FHIT: variants seen among roughly 807,000 people sequenced by gnomAD.
FHIT encodes the protein fragile histidine triad diadenosine triphosphatase, also known as bis(5'-adenosyl)-triphosphatase.
Under a neutral mutation model 17.9 loss-of-function variants are expected in FHIT, and 19 were observed. That is an observed-to-expected ratio of 1.06 (90% CI 0.74 to 1.56). The LOEUF (loss-of-function observed/expected upper bound fraction) is 1.56. Ranked by LOEUF, FHIT falls within the 40% of genes most tolerant of loss-of-function variation. FHIT has a pLI of 0.00. For synonymous variants in FHIT, 81 were observed against 69.7 expected (o/e 1.16, Z -0.81); for missense variants, 248 against 189.2 (o/e 1.31, Z -1.82).
At chr3:60,884,193 T>C (rs888598188) in intron 3 of FHIT, among the ~76,000 whole-genome samples, 1 of 152,204 alleles carries the variant, frequency 6.6e-6, no homozygotes, top group East Asian at 1.9e-4. Context: ...TAATGGCTAC[T>C]ATGAAAAAGA....
chr3:59,776,874 C>G (rs1022831339), intron 8 of FHIT, among the ~76,000 whole-genome samples: 5 of 152,148 alleles, frequency 3.3e-5, no homozygotes, highest in African/African-American at 1.2e-4. Context: ...CAGTAAGTAG[C>G]AGAATTTATT....
chr3:60,482,239 A>C (rs1482555754), intron 5 of FHIT, among the ~76,000 whole-genome samples: 1 of 152,146 alleles, frequency 6.6e-6, no homozygotes, highest in African/African-American at 2.4e-5. Flanking sequence ...AGACTTTAAC[A>C]CCATACTGTT....
chr3:60,995,622 G>A (rs2030618119), intron 3 of FHIT, among the ~76,000 whole-genome samples: 1 of 152,136 alleles, frequency 6.6e-6, no homozygotes, highest in African/African-American at 2.4e-5. Context: ...AAAAGCACAA[G>A]GACTTTTTAC....
chr3:60,569,755 A>ATATATATTTTTTTTTTTT, intron 4 of FHIT, among the ~76,000 whole-genome samples: 1 of 77,340 alleles, frequency 1.3e-5, no homozygotes, highest in African/African-American at 4.8e-5. Flanking sequence ...ATATATATAT[A>ATATATATTTTTTTTTTTT]TTTTTTTTTT....
intron 4 of FHIT, among the ~76,000 whole-genome samples, chr3:60,656,110 C>T (rs1553689493): frequency 6.6e-6 from 1 of 152,156 alleles, no homozygotes; most frequent in Non-Finnish European, 1.5e-5. Context: ...GCCATGTAAG[C>T]CTTTGCACTG....
At chr3:60,627,786 G>A (rs1158843548) in intron 4 of FHIT, among the ~76,000 whole-genome samples, 1 of 152,094 alleles carries the variant, frequency 6.6e-6, no homozygotes, top group African/African-American at 2.4e-5. Context: ...CCTCCCAAAG[G>A]GCTGGAATTA....
At chr3:60,504,423 C>A (rs567394280) in intron 5 of FHIT, among the ~76,000 whole-genome samples, 29 of 131,320 alleles carry the variant, frequency 2.2e-4, no homozygotes, top group African/African-American at 8.0e-4. Flanking sequence ...AGAACGAGAC[C>A]CCGTCTCAAA....
chr3:60,422,675 A>T (rs1221343888), intron 5 of FHIT, among the ~76,000 whole-genome samples: 1 of 152,102 alleles, frequency 6.6e-6, no homozygotes, highest in East Asian at 1.9e-4. Flanking sequence ...TCATTTCGTA[A>T]TGGAGAAAAA....
intron 3 of FHIT, among the ~76,000 whole-genome samples, chr3:60,938,970 G>A (rs532344552): frequency 3.3e-5 from 5 of 152,084 alleles, no homozygotes; most frequent in South Asian, 4.2e-4. Flanking sequence ...TATTTCTTCC[G>A]CCCAGAAAAC....
intron 5 of FHIT, among the ~76,000 whole-genome samples, chr3:60,341,688 A>G (rs998641783): frequency 2.6e-5 from 4 of 152,004 alleles, no homozygotes; most frequent in African/African-American, 9.7e-5. Flanking sequence ...ATAATTAGCA[A>G]CAGTCTTTCC....
intron 5 of FHIT, among the ~76,000 whole-genome samples, chr3:60,357,708 G>T (rs1030791578): frequency 1.3e-5 from 2 of 152,130 alleles, no homozygotes; most frequent in East Asian, 1.9e-4. Flanking sequence ...ATTATTCTCT[G>T]TAGTATATAC....
intron 1 of FHIT, among the ~76,000 whole-genome samples, chr3:61,205,198 C>T (rs1281172227): frequency 6.6e-6 from 1 of 152,190 alleles, no homozygotes; most frequent in African/African-American, 2.4e-5. Context: ...ATATGTGCCA[C>T]ATTTTCTTAA....
At chr3:60,341,388 C>T (rs1425207290) in intron 5 of FHIT, among the ~76,000 whole-genome samples, 1 of 152,158 alleles carries the variant, frequency 6.6e-6, no homozygotes, top group Non-Finnish European at 1.5e-5. Context: ...ATAAGCACTG[C>T]ATTTAAAACC....
intron 5 of FHIT, among the ~76,000 whole-genome samples, chr3:60,048,547 G>C (rs978090958): frequency 6.6e-6 from 1 of 152,148 alleles, no homozygotes; most frequent in African/African-American, 2.4e-5. Context: ...TAGGGCTTCG[G>C]TGTGAATTTT....
intron 3 of FHIT, among the ~76,000 whole-genome samples, chr3:60,969,976 C>T (rs1207563485): frequency 6.6e-6 from 1 of 152,068 alleles, no homozygotes; most frequent in Non-Finnish European, 1.5e-5. Flanking sequence ...GTGATCCTCC[C>T]ACCTCAGCCT....
chr3:60,200,120 G>C (rs1186788904), intron 5 of FHIT, among the ~76,000 whole-genome samples: 1 of 152,086 alleles, frequency 6.6e-6, no homozygotes, highest in Non-Finnish European at 1.5e-5. Flanking sequence ...GTAAGACTTG[G>C]ACACTAGGGA....
At chr3:60,074,408 T>C (rs376229392) in intron 5 of FHIT, among the ~76,000 whole-genome samples, 1 of 152,092 alleles carries the variant, frequency 6.6e-6, no homozygotes, top group Non-Finnish European at 1.5e-5. Context: ...ATGTCCTGTA[T>C]TCTCTCCCTT....
chr3:59,961,417 C>G (rs1269438683), intron 7 of FHIT, among the ~76,000 whole-genome samples: 3 of 152,156 alleles, frequency 2.0e-5, no homozygotes, highest in South Asian at 2.1e-4. Context: ...ACTTATAGCT[C>G]TTTATTATGC....
intron 8 of FHIT, among the ~76,000 whole-genome samples, chr3:59,776,999 C>T (rs777705458): frequency 6.6e-6 from 1 of 152,148 alleles, no homozygotes; most frequent in Non-Finnish European, 1.5e-5. Flanking sequence ...TCCTCTCTGA[C>T]CTCATTTTGT....
Sources: gnomAD v4.1 joint callset for allele counts (sites outside exome capture counted in the v4.1 genomes callset) on GRCh38, gnomAD v4.1.1 for gene constraint, MANE v1.5 for transcripts, NCBI Gene and HGNC (gene_info 2026-07-23, HGNC 2026-07-21) for gene names.